BRCA1: variants seen among roughly 807,000 people sequenced by gnomAD.
The protein encoded by BRCA1 is BRCA1 DNA repair associated.
A neutral mutation model predicts 173.7 loss-of-function variants in BRCA1; 140 were observed. That is an observed-to-expected ratio of 0.81 (90% CI 0.70 to 0.93). The LOEUF is 0.93. BRCA1 is among the 40% of genes least tolerant of loss of function. BRCA1 has a pLI of 0.00. For synonymous variants in BRCA1, 662 were observed against 756.0 expected (o/e 0.88, Z 2.04); for missense variants, 1,983 against 2,172.5 (o/e 0.91, Z 1.73).
chr17:43,063,432 GAGAT>G, intron 17 of BRCA1, 59 bp from the exon 18 acceptor site: 2 of 1,404,352 alleles, frequency 1.4e-6, no homozygotes, highest in Non-Finnish European at 2.0e-6. Context: ...TCTTTTCACG[GAGAT>G]AGAGAGGTCA....
Position 43,093,309 on chromosome 17 carries a change from G to C in BRCA1, c.2222C>G (p.Ser741Cys), listed in dbSNP as rs80357051. The C allele has an allele frequency of 3.7e-6, 6 of 1,613,878 alleles. No homozygotes were observed. The highest frequency in any genetic ancestry group is 5.1e-6 in the Non-Finnish European group (6 of 1,179,988). Residue 741 changes from serine to cysteine, a missense_variant, in exon 10 of 23, where the codon TCT becomes TGT. By Grantham distance (112) the Ser-to-Cys change is moderately radical. Coordinates refer to ENST00000357654, the MANE Select transcript of BRCA1 (RefSeq NM_007294.4). Reference sequence around the variant, plus strand: ...ATCTTTGGGGTCTTCAGCATTATTAGACACTTTAACTGTTTCTAGTTTCTC... The same window carrying C: ...ATCTTTGGGGTCTTCAGCATTATTACACACTTTAACTGTTTCTAGTTTCTC... ...KEEKLETVKVSNNAEDPKDLM... is the reference protein window; with the variant it reads ...KEEKLETVKVCNNAEDPKDLM...
chr17:43,134,953 ACAG>A (rs1198522818), intron 1 of BRCA1, among the ~76,000 whole-genome samples: 3 of 152,204 alleles, frequency 2.0e-5, no homozygotes, highest in Non-Finnish European at 4.4e-5. Flanking sequence ...TGCAACCCCC[ACAG>A]CAGGTCTCCT....
At chr17:43,095,616 G>A (rs917784171) in intron 9 of BRCA1, among the ~76,000 whole-genome samples, 1 of 150,944 alleles carries the variant, frequency 6.6e-6, no homozygotes, top group Non-Finnish European at 1.5e-5. Flanking sequence ...AAAAAAAAAC[G>A]AAAGGGCAAC....
chr17:43,074,063 A>G (rs1392443051), intron 14 of BRCA1, among the ~76,000 whole-genome samples: 2 of 152,118 alleles, frequency 1.3e-5, no homozygotes, highest in Non-Finnish European at 2.9e-5. Context: ...GGCCTGAAAT[A>G]ATACATTTAG....
intron 10 of BRCA1, 194 bp from the exon 11 acceptor site, chr17:43,091,226 G>T: frequency 1.2e-6 from 1 of 858,884 alleles, no homozygotes; most frequent in Non-Finnish European, 1.9e-6. Flanking sequence ...TAATTAGGAT[G>T]TTAAAGCTCA....
intron 1 of BRCA1, chr17:43,160,894 C>T (rs1408226168): frequency 1.3e-5 from 2 of 152,264 alleles, no homozygotes; most frequent in Non-Finnish European, 1.5e-5. Context: ...AGGTAGCAAA[C>T]GAGGGAGCAG....
In BRCA1 at chr17:43,071,046, G is replaced by C. The variant is rs80356862; in HGVS notation, c.4868C>G (p.Ala1623Gly). Residue 1623 changes from alanine to glycine, a missense_variant, in exon 15 of 23, where the codon GCT (alanine) becomes GGT (glycine). By Grantham distance (60) the Ala-to-Gly change is moderately conservative. Transcript: ENST00000357654. ...SPAAAHTTDT[A>G]GYNAMEESVS... is the part of the protein sequence containing the mutation. ...ACTTTCTTCCATTGCATTATACCCAGCAGTATCAGTAGTATGAGCAGCAGC... is the reference window on the plus strand; with the variant it reads ...ACTTTCTTCCATTGCATTATACCCACCAGTATCAGTAGTATGAGCAGCAGC... 5 of 1,614,154 alleles carry C rather than the reference G, an allele frequency of 3.1e-6. No homozygotes were observed. Among genetic ancestry groups the C allele is most frequent in the Non-Finnish European group, 4.2e-6 (5 of 1,180,030 alleles).
intron 1 of BRCA1, among the ~76,000 whole-genome samples, chr17:43,134,402 A>G (rs2055998643): frequency 2.0e-5 from 3 of 152,098 alleles, no homozygotes; most frequent in Admixed American, 2.0e-4. Flanking sequence ...AAAAGCAGAC[A>G]AGAGATTACC....
At chr17:43,116,576 TG>T (rs949328433) in intron 2 of BRCA1, among the ~76,000 whole-genome samples, 1 of 152,142 alleles carries the variant, frequency 6.6e-6, no homozygotes, top group African/African-American at 2.4e-5. Context: ...TGGCATGCAA[TG>T]GTGCGATCTC....
At chr17:43,158,620 C>G (rs1455163955) in intron 1 of BRCA1, among the ~76,000 whole-genome samples, 1 of 152,032 alleles carries the variant, frequency 6.6e-6, no homozygotes, top group Non-Finnish European at 1.5e-5. Context: ...TATTAACCAC[C>G]ATATTTTAAA....
chr17:43,063,047 A>C (rs1397760314), intron 18 of BRCA1, among the ~76,000 whole-genome samples: 3 of 151,880 alleles, frequency 2.0e-5, no homozygotes, highest in Non-Finnish European at 4.4e-5. Context: ...AGTGCCACCA[A>C]GCCCGGCTAA....
chr17:43,093,249 T>C lies in BRCA1; in HGVS notation c.2282A>G (p.Glu761Gly), dbSNP rs80356869. Residue 761 changes from glutamate to glycine, a missense_variant, in exon 10 of 23, where the codon GAA becomes GGA. By Grantham distance (98) the Glu-to-Gly change is moderately conservative (BLOSUM62 -2). Coordinates refer to ENST00000357654, the MANE Select transcript of BRCA1 (RefSeq NM_007294.4). ...MLSGERVLQT[E>G]RSVESSSISL... ...AATACTGCTACTCTCTACAGATCTT[T>C]CAGTTTGCAAAACCCTTTCTCCACT... 6.2e-7 allele frequency: 1 copy of C among 1,614,086 alleles called. No individual in the cohort carries two copies. Among genetic ancestry groups the C allele is most frequent in the Non-Finnish European group, 8.5e-7 (1 of 1,179,994 alleles).
chr17:43,117,079 A>G (rs561790910), intron 2 of BRCA1, among the ~76,000 whole-genome samples: 1 of 152,330 alleles, frequency 6.6e-6, no homozygotes, highest in African/African-American at 2.4e-5. Context: ...CAGAAGAGGC[A>G]TGATGTTTGG....
Position 43,116,451 on chromosome 17 carries a change from G to C in BRCA1, c.81-672C>G, listed in dbSNP as rs114323360. 0.014 allele frequency among the ~76,000 whole-genome samples: 2,067 copies of C among 152,250 alleles called. 36 individuals carry two copies. Among genetic ancestry groups the C allele is most frequent in the African/African-American group, 0.046 (1,917 of 41,528 alleles). On this transcript the variant is annotated intron_variant, in intron 2 of 22. Transcript: ENST00000357654. Reference sequence around the variant, plus strand: ...TGCAAACATACCTCACTGCAGCCTTGAACTCCTGGGCTCAAGCAATCCTCC... The same window carrying C: ...TGCAAACATACCTCACTGCAGCCTTCAACTCCTGGGCTCAAGCAATCCTCC...
rs929347422 is a variant in BRCA1, at chr17:43,079,851, C to T, written c.4357+2553G>A. Reference sequence around the variant, plus strand: ...AAGAAAAGTCATTCTATCACCAGAACATTTAGCATATAAATTCCTCTTCTT... The same window carrying T: ...AAGAAAAGTCATTCTATCACCAGAATATTTAGCATATAAATTCCTCTTCTT... On this transcript the variant is annotated intron_variant, in intron 12 of 22. Coordinates refer to ENST00000357654, the MANE Select transcript of BRCA1 (RefSeq NM_007294.4). 8.9e-6 allele frequency: 6 copies of T among 671,394 alleles called. No homozygotes were observed. The African/African-American group carries it at 9.2e-5, about 10-fold the overall frequency. 41.6% of individuals were successfully genotyped at this position (671,394 alleles called of 1,614,324 possible).
At chr17:43,095,586 A>AC (rs112891369) in intron 9 of BRCA1, among the ~76,000 whole-genome samples, 1 of 151,480 alleles carries the variant, frequency 6.6e-6, no homozygotes, top group East Asian at 1.9e-4. Context: ...CATCTCAAAA[A>AC]AAAACAAACA....
rs1332474276 is a variant in BRCA1, at chr17:43,100,646, CAT to C, written c.442-768_442-767del. ...ATATATATATGTTATATATATATAA[CAT>C]ATATATAACATATATATATATATAT... On this transcript the variant is annotated intron_variant, in intron 6 of 22. Coordinates refer to ENST00000357654, the MANE Select transcript of BRCA1 (RefSeq NM_007294.4). 5.2e-4 allele frequency among the ~76,000 whole-genome samples: 22 copies of C among 42,058 alleles called. 1 individual carries two copies. The highest frequency in any genetic ancestry group is 1.8e-3 in the African/African-American group (20 of 10,904). The allele number at this position is 42,058 out of a possible 152,430, so 27.6% of individuals were successfully genotyped here. A position where few individuals can be genotyped will look rare whatever the true frequency, so the allele number is the denominator to read the frequency against.
At chr17:43,075,316 T>C (rs918665807) in intron 13 of BRCA1, among the ~76,000 whole-genome samples, 2 of 152,162 alleles carry the variant, frequency 1.3e-5, no homozygotes, top group Admixed American at 1.3e-4. Flanking sequence ...CTTTTCAATG[T>C]TCAAATTCAT....
intron 1 of BRCA1, among the ~76,000 whole-genome samples, chr17:43,158,611 A>C (rs1413463576): frequency 6.6e-6 from 1 of 152,218 alleles, no homozygotes; most frequent in Non-Finnish European, 1.5e-5. Context: ...GTTACTCACT[A>C]TTAACCACCA....
Sources: gnomAD v4.1 joint callset for allele counts (sites outside exome capture counted in the v4.1 genomes callset) on GRCh38, gnomAD v4.1.1 for gene constraint, MANE v1.5 for transcripts, NCBI Gene and HGNC (gene_info 2026-07-23, HGNC 2026-07-21) for gene names.